Variants in NLGN1 observed in about 807,000 individuals in gnomAD.
The protein encoded by NLGN1 is neuroligin 1, also known as neuroligin-1.
In NLGN1, 12 loss-of-function variants were observed where a neutral mutation model predicts 65.5. The observed-to-expected ratio is 0.18, with a 90% confidence interval of 0.12 to 0.30. The LOEUF is 0.30. Among genes scored for constraint, NLGN1 ranks in the 10% least tolerant of loss-of-function variants. NLGN1 has a pLI of 1.00. For synonymous variants in NLGN1, 350 were observed against 359.5 expected (o/e 0.97, Z 0.30); for missense variants, 750 against 1,007.1 (o/e 0.74, Z 3.46).
intron 4 of NLGN1, among the ~76,000 whole-genome samples, chr3:173,921,754 A>T (rs1742059585): frequency 6.6e-6 from 1 of 152,124 alleles, no homozygotes; most frequent in Non-Finnish European, 1.5e-5. Context: ...TCCTTCTTCT[A>T]CGTATAAAAC....
intron 1 of NLGN1, among the ~76,000 whole-genome samples, chr3:173,416,161 A>T (rs1248097262): frequency 6.6e-6 from 1 of 152,174 alleles, no homozygotes; most frequent in East Asian, 1.9e-4. Flanking sequence ...ATGGTATTTA[A>T]GCCATGAGAT....
intron 3 of NLGN1, among the ~76,000 whole-genome samples, chr3:173,651,485 G>A (rs929830938): frequency 7.2e-5 from 11 of 151,982 alleles, no homozygotes; most frequent in African/African-American, 2.7e-4. Context: ...CCCAGTAGTG[G>A]GATTGCTGGA....
intron 4 of NLGN1, among the ~76,000 whole-genome samples, chr3:174,118,561 A>G (rs1490181680): frequency 3.3e-5 from 5 of 152,202 alleles, no homozygotes. Flanking sequence ...AGCATAATGT[A>G]TTCACTTGTG....
chr3:173,784,625 G>C (rs1054222148), intron 3 of NLGN1, among the ~76,000 whole-genome samples: 3 of 152,052 alleles, frequency 2.0e-5, no homozygotes, highest in African/African-American at 7.2e-5. Context: ...AGAGAGGAGA[G>C]AGAGACAGAG....
chr3:174,062,825 A>G (rs970251217), intron 4 of NLGN1, among the ~76,000 whole-genome samples: 1 of 152,082 alleles, frequency 6.6e-6, no homozygotes, highest in African/African-American at 2.4e-5. Flanking sequence ...TCAGAATACT[A>G]TCATTATTAA....
intron 4 of NLGN1, among the ~76,000 whole-genome samples, chr3:173,909,827 T>C (rs9290484): frequency 0.3 from 45,247 of 151,804 alleles, 7,891 homozygotes; most frequent in African/African-American, 0.48. Flanking sequence ...TACGGGCATG[T>C]GCCACCACGC....
intron 1 of NLGN1, among the ~76,000 whole-genome samples, chr3:173,427,945 C>G (rs115722034): frequency 0.024 from 3,621 of 150,522 alleles, 69 homozygotes; most frequent in African/African-American, 0.041. Flanking sequence ...CAGTCTGTCT[C>G]TTTCTTTATA....
chr3:173,903,843 C>T (rs1011734524), intron 4 of NLGN1, among the ~76,000 whole-genome samples: 1 of 152,154 alleles, frequency 6.6e-6, no homozygotes, highest in African/African-American at 2.4e-5. Flanking sequence ...TTTCAGGGAG[C>T]TGTAAGGAGA....
intron 3 of NLGN1, among the ~76,000 whole-genome samples, chr3:173,806,471 A>G (rs1186369840): frequency 6.6e-6 from 1 of 152,156 alleles, no homozygotes; most frequent in Non-Finnish European, 1.5e-5. Context: ...CTATTAAATT[A>G]TACGTTTTAA....
chr3:173,489,546 C>T (rs1045986896), intron 2 of NLGN1, among the ~76,000 whole-genome samples: 10 of 152,112 alleles, frequency 6.6e-5, no homozygotes, highest in Non-Finnish European at 7.3e-5. Context: ...AATAAACATA[C>T]GTGTGCATGT....
chr3:173,710,022 A>C (rs1257213783), intron 3 of NLGN1, among the ~76,000 whole-genome samples: 1 of 152,180 alleles, frequency 6.6e-6, no homozygotes, highest in Non-Finnish European at 1.5e-5. Flanking sequence ...CCTACTGTTC[A>C]TCTAATATTA....
At chr3:173,799,985 T>C (rs1715063575) in intron 3 of NLGN1, among the ~76,000 whole-genome samples, 1 of 144,002 alleles carries the variant, frequency 6.9e-6, no homozygotes, top group Non-Finnish European at 1.5e-5. Context: ...ACTGTTTACT[T>C]TTTTGTATGC....
At chr3:173,665,961 A>G (rs1414052719) in intron 3 of NLGN1, among the ~76,000 whole-genome samples, 1 of 152,102 alleles carries the variant, frequency 6.6e-6, no homozygotes, top group Non-Finnish European at 1.5e-5. Context: ...TATGCCTGAC[A>G]CTTTTCCTGA....
At chr3:174,016,304 T>C (rs1726541506) in intron 4 of NLGN1, among the ~76,000 whole-genome samples, 1 of 152,160 alleles carries the variant, frequency 6.6e-6, no homozygotes, top group Non-Finnish European at 1.5e-5. Flanking sequence ...AGACTGGATG[T>C]ATATGGGCCA....
chr3:173,872,584 G>A (rs184172581), intron 4 of NLGN1, among the ~76,000 whole-genome samples: 33 of 152,222 alleles, frequency 2.2e-4, no homozygotes, highest in Non-Finnish European at 4.4e-4. Context: ...TGCCCCTGAA[G>A]CATCTTAGTT....
chr3:173,478,905 A>G (rs532313625), intron 2 of NLGN1, among the ~76,000 whole-genome samples: 10 of 150,872 alleles, frequency 6.6e-5, no homozygotes, highest in African/African-American at 2.4e-4. Context: ...TAAAAAAAAA[A>G]AGAAAAAGAA....
chr3:173,480,588 C>T (rs569437886), intron 2 of NLGN1, among the ~76,000 whole-genome samples: 3 of 152,110 alleles, frequency 2.0e-5, no homozygotes, highest in East Asian at 3.9e-4. Context: ...TACATAATTA[C>T]CCAATCAAGG....
chr3:174,195,819 T>A (rs1733311026), intron 4 of NLGN1, among the ~76,000 whole-genome samples: 1 of 151,932 alleles, frequency 6.6e-6, no homozygotes, highest in African/African-American at 2.4e-5. Context: ...CAGGGGAAAT[T>A]AAGTATAATC....
At chr3:173,923,655 A>G (rs141527208) in intron 4 of NLGN1, among the ~76,000 whole-genome samples, 1 of 152,296 alleles carries the variant, frequency 6.6e-6, no homozygotes, top group African/African-American at 2.4e-5. Flanking sequence ...AATTTTCAGT[A>G]TAAATCTGAT....
Sources: allele counts gnomAD v4.1 joint callset (sites outside exome capture counted in the v4.1 genomes callset), GRCh38; gene constraint gnomAD v4.1.1; transcripts MANE v1.5; gene names NCBI Gene and HGNC (gene_info 2026-07-23, HGNC 2026-07-21).